Variants in MAN1B1 observed in about 807,000 individuals in gnomAD.
MAN1B1 encodes the protein endoplasmic reticulum mannosyl-oligosaccharide 1,2-alpha-mannosidase.
MAN1B1 carries 66 observed loss-of-function variants against 75.5 expected under a neutral mutation model. The observed-to-expected ratio is 0.87, with a 90% confidence interval of 0.72 to 1.07. MAN1B1 has a LOEUF of 1.07. MAN1B1 is among the 50% of genes least tolerant of loss of function. MAN1B1 has a pLI of 0.00. For synonymous variants in MAN1B1, 453 were observed against 382.8 expected (o/e 1.18, Z -2.14); for missense variants, 973 against 912.5 (o/e 1.07, Z -0.85).
At chr9:137,105,704 G>A (rs1831069255) in intron 8 of MAN1B1, 3 of 352,336 alleles carry the variant, frequency 8.5e-6, no homozygotes, top group East Asian at 8.0e-5. Flanking sequence ...GCGTGGAGCC[G>A]AGGCGTTTAA....
chr9:137,088,385 T>C, intron 2 of MAN1B1: 1 of 1,583,004 alleles, frequency 6.3e-7, no homozygotes, highest in Non-Finnish European at 8.5e-7. Context: ...CTGACTACTT[T>C]CTAGGTCTCT....
In MAN1B1 at chr9:137,096,335, G is replaced by A. The variant is rs1554752187; in HGVS notation, c.564G>A (p.Arg188=). ...GGACCCAGGAGGAGGCCACAAAAAGGCAAGAAGCCCCTGTGGATCCCCGCC... is the reference window on the plus strand; with the variant it reads ...GGACCCAGGAGGAGGCCACAAAAAGACAAGAAGCCCCTGTGGATCCCCGCC... ...KDGTQEEATK[R]QEAPVDPRPE... The change falls in exon 4 of 13, where the codon AGG becomes AGA. Residue 188 remains arginine, a synonymous_variant. Transcript: ENST00000371589. The A allele has an allele frequency of 1.2e-6, 2 of 1,614,066 alleles. No individual in the cohort carries two copies. The highest frequency in any genetic ancestry group is 1.7e-6 in the Non-Finnish European group (2 of 1,180,032).
chr9:137,104,039 T>G, intron 8 of MAN1B1: 1 of 457,234 alleles, frequency 2.2e-6, no homozygotes, highest in Non-Finnish European at 4.4e-6. Flanking sequence ...GTCAGTGGTG[T>G]TACACACATT....
At chr9:137,094,403 G>T (rs1014040616) in intron 3 of MAN1B1, 1 of 503,016 alleles carries the variant, frequency 2.0e-6, no homozygotes, top group African/African-American at 1.9e-5. Context: ...TCAATAGCAG[G>T]GAGATGAAGA....
Position 137,107,581 on chromosome 9 carries a change from C to T in MAN1B1, c.1815C>T (p.Phe605=). 2.5e-6 allele frequency: 4 copies of T among 1,612,506 alleles called. No individual in the cohort carries two copies. Among genetic ancestry groups the T allele is most frequent in the African/African-American group, 1.3e-5 (1 of 75,066 alleles). Residue 605 remains phenylalanine (F), a synonymous_variant, in exon 12 of 13, where the codon TTC becomes TTT. Coordinates refer to ENST00000371589, the MANE Select transcript of MAN1B1 (RefSeq NM_016219.5). ...LLRPETVESL[F]YLYRVTGDRK... is the part of the protein sequence containing the mutation. ...GGCCAGAGACCGTGGAGAGCCTGTT[C>T]TACCTGTACCGCGTCACAGGGGACC...
At chr9:137,105,893 C>T (rs1831075636) in intron 8 of MAN1B1, 2 of 674,636 alleles carry the variant, frequency 3.0e-6, no homozygotes, top group Admixed American at 4.1e-5. Context: ...GTGGTGACCA[C>T]CCGTTGGGAG....
At chr9:137,097,767 G>T (rs575164052) in intron 4 of MAN1B1, 61 bp from the exon 5 acceptor site, 3 of 1,312,178 alleles carry the variant, frequency 2.3e-6, no homozygotes, top group Non-Finnish European at 2.2e-6. Context: ...GAGCGTGGGG[G>T]TGGGAAACAT....
chr9:137,098,319 G>T (rs554487207), intron 5 of MAN1B1, among the ~76,000 whole-genome samples: 1 of 152,312 alleles, frequency 6.6e-6, no homozygotes, highest in African/African-American at 2.4e-5. Flanking sequence ...GCGGGCCTTC[G>T]GCCAAGCTCA....
At chr9:137,089,236 G>T in intron 3 of MAN1B1, 1 of 594,858 alleles carries the variant, frequency 1.7e-6, no homozygotes, top group South Asian at 1.9e-5. Flanking sequence ...ACTGTGCAGT[G>T]TTGAATAAGA....
chr9:137,093,257 G>C (rs1830562133), intron 3 of MAN1B1, among the ~76,000 whole-genome samples: 1 of 152,108 alleles, frequency 6.6e-6, no homozygotes. Flanking sequence ...AGCCAGGCGT[G>C]GTGGTGCGCA....
rs186258218 is a variant in MAN1B1, at chr9:137,098,067, T to G, written c.730+130T>G. On this transcript the variant is annotated intron_variant, in intron 5 of 12. Transcript: ENST00000371589. ...TGCACCTTGCCCTTCAGCATCCCCC[T>G]GTTGTCTGAGTCCTCACAGGCTCTG... The G allele has an allele frequency of 3.9e-4, 276 of 700,408 alleles. 3 individuals carry two copies. In the African/African-American group the frequency reaches 4.1e-3, roughly 10 times the overall value. The allele number at this position is 700,408 out of a possible 1,614,324, so 43.4% of individuals were successfully genotyped here.
intron 12 of MAN1B1, chr9:137,107,938 T>TG (rs759503208): frequency 3.1e-6 from 2 of 639,656 alleles, no homozygotes; most frequent in African/African-American, 3.7e-5. Context: ...GTCTCTGCTG[T>TG]GGGCCCAGCA....
intron 8 of MAN1B1, chr9:137,102,033 A>T (rs1830834243): frequency 2.1e-6 from 1 of 466,804 alleles, no homozygotes; most frequent in Non-Finnish European, 4.2e-6. Flanking sequence ...GCAGGCGTGC[A>T]GGTTGGTGCT....
chr9:137,102,569 C>G (rs1196207981), intron 8 of MAN1B1: 1 of 421,512 alleles, frequency 2.4e-6, no homozygotes, highest in Non-Finnish European at 4.7e-6. Flanking sequence ...CACGCTGTTG[C>G]AGATGTGCAG....
At chr9:137,094,508 G>A (rs568594125) in intron 3 of MAN1B1, 10 of 281,926 alleles carry the variant, frequency 3.5e-5, no homozygotes, top group South Asian at 3.3e-4. Flanking sequence ...GAGAGGCCGA[G>A]GCAGGCAGAT....
At chr9:137,097,307 A>G (rs1811669576) in intron 4 of MAN1B1, among the ~76,000 whole-genome samples, 1 of 152,212 alleles carries the variant, frequency 6.6e-6, no homozygotes, top group Non-Finnish European at 1.5e-5. Flanking sequence ...CAGGGCCCCA[A>G]GAGAACGCTC....
intron 3 of MAN1B1, among the ~76,000 whole-genome samples, chr9:137,093,441 A>G (rs1019192853): frequency 6.6e-6 from 1 of 152,220 alleles, no homozygotes; most frequent in African/African-American, 2.4e-5. Context: ...CCAAGTCCGT[A>G]GGAGTAATCC....
At chr9:137,104,070 AC>A in intron 8 of MAN1B1, 1 of 453,648 alleles carries the variant, frequency 2.2e-6, no homozygotes, top group Non-Finnish European at 4.4e-6. Flanking sequence ...TGCAGCTATC[AC>A]TTCCATCTCC....
chr9:137,088,510 A>G, intron 2 of MAN1B1: 1 of 1,217,776 alleles, frequency 8.2e-7, no homozygotes, highest in Non-Finnish European at 1.2e-6. Context: ...TGTGTTTGGA[A>G]AAGACCAGGC....
Sources: gnomAD v4.1 joint callset for allele counts (sites outside exome capture counted in the v4.1 genomes callset) on GRCh38, gnomAD v4.1.1 for gene constraint, MANE v1.5 for transcripts, NCBI Gene and HGNC (gene_info 2026-07-23, HGNC 2026-07-21) for gene names.